Variants in FGF7 observed in about 807,000 individuals in gnomAD.
FGF7 encodes the protein FGF-7.
Under a neutral mutation model 20.5 loss-of-function variants are expected in FGF7, and 6 were observed. That is an observed-to-expected ratio of 0.29 (90% confidence interval 0.16 to 0.58). The LOEUF (loss-of-function observed/expected upper bound fraction) is 0.58, where lower values mean the gene tolerates loss of function less well. Ranked by LOEUF, FGF7 falls within the 20% of genes least tolerant of loss-of-function variation. The pLI, the probability that FGF7 is intolerant of heterozygous loss-of-function variation, is 0.90. For synonymous variants in FGF7, 64 were observed against 74.7 expected (o/e 0.86, Z 0.74); for missense variants, 144 against 228.8 (o/e 0.63, Z 2.39).
chr15:49,472,740 T>C (rs1344984126), intron 2 of FGF7, among the ~76,000 whole-genome samples: 2 of 152,132 alleles, frequency 1.3e-5, no homozygotes, highest in Non-Finnish European at 2.9e-5. Context: ...AAGCTTATTA[T>C]GCCTCATAAG....
At chr15:49,433,538 C>T (rs1597155745) in intron 2 of FGF7, among the ~76,000 whole-genome samples, 1 of 151,498 alleles carries the variant, frequency 6.6e-6, no homozygotes, top group Non-Finnish European at 1.5e-5. Context: ...AAAAGCCTTG[C>T]TGAAATAAAA....
Position 49,479,532 on chromosome 15 carries a change from T to C in FGF7, c.287-3619T>C, listed in dbSNP as rs557627964. 3.9e-5 allele frequency among the ~76,000 whole-genome samples: 6 copies of C among 152,052 alleles called. No individual in the cohort carries two copies. The East Asian group carries it at 9.7e-4, about 24-fold the overall frequency. On this transcript the variant is annotated intron_variant, in intron 2 of 3. Transcript: ENST00000267843. ...AATATCTGCATATTACATATTTTTC[T>C]ATTATGTTTTCTGAGCAACTTCGTG...
intron 2 of FGF7, among the ~76,000 whole-genome samples, chr15:49,476,686 GATATT>G (rs2055351948): frequency 6.6e-6 from 1 of 152,116 alleles, no homozygotes; most frequent in African/African-American, 2.4e-5. Context: ...TACACTCAAT[GATATT>G]ATATTATTAA....
At chr15:49,434,756 CTTAAA>C (rs1179401134) in intron 2 of FGF7, 2 of 151,372 alleles carry the variant, frequency 1.3e-5, no homozygotes, top group African/African-American at 4.8e-5. Context: ...CTACCAGCAA[CTTAAA>C]TTAAATCTAA....
At chr15:49,430,910 G>C (rs1002508940) in intron 2 of FGF7, among the ~76,000 whole-genome samples, 1 of 147,620 alleles carries the variant, frequency 6.8e-6, no homozygotes, top group African/African-American at 2.5e-5. Context: ...CCAGATCAGA[G>C]AAAAGACATA....
intron 2 of FGF7, among the ~76,000 whole-genome samples, chr15:49,458,262 A>G (rs1270390545): frequency 6.6e-6 from 1 of 151,816 alleles, no homozygotes; most frequent in Admixed American, 6.6e-5. Flanking sequence ...ATACTGAATT[A>G]ATATACTCTG....
intron 3 of FGF7, 63 bp from the exon 4 acceptor site, chr15:49,484,247 C>T (rs895962150): frequency 1.4e-5 from 17 of 1,207,590 alleles, no homozygotes; most frequent in Middle Eastern, 2.8e-4. Flanking sequence ...GCTTACTCTT[C>T]GTTTAATTGA....
chr15:49,474,821 C>T (rs2055100043), intron 2 of FGF7, among the ~76,000 whole-genome samples: 1 of 152,072 alleles, frequency 6.6e-6, no homozygotes. Flanking sequence ...GTTGCGTGCT[C>T]CGTACGAAAA....
intron 2 of FGF7, among the ~76,000 whole-genome samples, chr15:49,453,817 A>C (rs936670710): frequency 6.6e-6 from 1 of 152,088 alleles, no homozygotes. Flanking sequence ...TTCCCAATTG[A>C]ATTCAGGATC....
intron 2 of FGF7, among the ~76,000 whole-genome samples, chr15:49,466,436 A>G (rs929354247): frequency 2.0e-5 from 3 of 152,218 alleles, no homozygotes; most frequent in Non-Finnish European, 4.4e-5. Context: ...TCTAAGTTGT[A>G]GAAGAAAAAT....
chr15:49,481,263 T>C (rs1339249115), intron 2 of FGF7, among the ~76,000 whole-genome samples: 1 of 152,252 alleles, frequency 6.6e-6, no homozygotes, highest in African/African-American at 2.4e-5. Flanking sequence ...CAATTACTTT[T>C]GCACCAACCT....
At chr15:49,474,275 T>A (rs1216080747) in intron 2 of FGF7, among the ~76,000 whole-genome samples, 6 of 152,184 alleles carry the variant, frequency 3.9e-5, no homozygotes, top group African/African-American at 1.4e-4. Context: ...TCATACCGTA[T>A]GAGAAAGGGC....
At chr15:49,476,935 C>T (rs2055383114) in intron 2 of FGF7, among the ~76,000 whole-genome samples, 1 of 152,052 alleles carries the variant, frequency 6.6e-6, no homozygotes, top group Non-Finnish European at 1.5e-5. Flanking sequence ...TGGCGGGTGC[C>T]TGTAGTCCCA....
chr15:49,424,121 C>A lies in FGF7; in HGVS notation c.-177C>A, dbSNP rs796959205. 10 of 527,100 alleles carry A rather than the reference C, an allele frequency of 1.9e-5. No homozygotes were observed. The highest frequency in any genetic ancestry group is 1.7e-4 in the African/African-American group (9 of 52,522). 32.7% of individuals were successfully genotyped at this position (527,100 alleles called of 1,614,324 possible). ...TCAACAGAGTTATTTAAGGAGGAAT[C>A]CTGTGTTGTTATCAGGAACTAAAAG... On this transcript the variant is annotated 5_prime_UTR_variant, in exon 2 of 4. Coordinates refer to ENST00000267843, the MANE Select transcript of FGF7 (RefSeq NM_002009.4).
intron 2 of FGF7, among the ~76,000 whole-genome samples, chr15:49,453,865 A>AT (rs1354749994): frequency 6.6e-6 from 1 of 152,166 alleles, no homozygotes; most frequent in Non-Finnish European, 1.5e-5. Context: ...TACATTTTAC[A>AT]TAAGAGTTCT....
intron 2 of FGF7, among the ~76,000 whole-genome samples, chr15:49,435,892 G>A (rs1844482191): frequency 6.6e-6 from 1 of 151,438 alleles, no homozygotes; most frequent in Admixed American, 6.6e-5. Context: ...GTACAACTGG[G>A]AACATTTTTA....
At chr15:49,425,317 C>G (rs886377058) in intron 2 of FGF7, 3 of 151,826 alleles carry the variant, frequency 2.0e-5, no homozygotes, top group African/African-American at 7.3e-5. Flanking sequence ...AATTTAAAGC[C>G]TTACATTTTT....
intron 2 of FGF7, among the ~76,000 whole-genome samples, chr15:49,441,850 GT>G (rs1177345231): frequency 4.0e-5 from 6 of 151,140 alleles, no homozygotes; most frequent in Non-Finnish European, 1.5e-5. Context: ...TGCATACAGT[GT>G]TTCTCAGTGG....
chr15:49,436,007 C>A lies in FGF7; in HGVS notation c.286+11424C>A, dbSNP rs1339317937. On this transcript the variant is annotated intron_variant, in intron 2 of 3. Coordinates refer to ENST00000267843, the MANE Select transcript of FGF7 (RefSeq NM_002009.4). ...ACTTTATTCCATTCTGATTAATTCT[C>A]AAAATATCTCCATGCTGTAAGCTTG... Among the ~76,000 whole-genome samples the A allele has an allele frequency of 4.0e-5, 6 of 151,412 alleles. No homozygotes were observed. In the East Asian group the frequency reaches 1.2e-3, roughly 30 times the overall value.
Sources: allele counts gnomAD v4.1 joint callset (sites outside exome capture counted in the v4.1 genomes callset), GRCh38; gene constraint gnomAD v4.1.1; transcripts MANE v1.5; gene names NCBI Gene and HGNC (gene_info 2026-07-23, HGNC 2026-07-21).